CNTNAP2: variants seen among roughly 807,000 people sequenced by gnomAD.
CNTNAP2 encodes contactin associated protein 2.
Under a neutral mutation model 155.2 loss-of-function variants are expected in CNTNAP2, and 98 were observed. That is an observed-to-expected ratio of 0.63 (90% CI 0.54 to 0.75). The LOEUF (loss-of-function observed/expected upper bound fraction) is 0.75, where lower values mean the gene tolerates loss of function less well. Among genes scored for constraint, CNTNAP2 ranks in the 30% least tolerant of loss-of-function variants. The pLI is 0.00. For missense variants in CNTNAP2, 1,727 were observed against 1,688.1 expected (o/e 1.02, Z -0.40); for synonymous variants, 651 against 631.2 (o/e 1.03, Z -0.47).
intron 3 of CNTNAP2, among the ~76,000 whole-genome samples, chr7:146,968,163 C>G (rs1413637993): frequency 6.6e-6 from 1 of 151,414 alleles, no homozygotes; most frequent in African/African-American, 2.4e-5. Context: ...ATGAAGCCCA[C>G]TTGATCATGG....
intron 9 of CNTNAP2, among the ~76,000 whole-genome samples, chr7:147,343,223 G>A (rs1451663470): frequency 1.3e-5 from 2 of 152,132 alleles, no homozygotes; most frequent in Admixed American, 6.6e-5. Flanking sequence ...CGTAACAGTC[G>A]AATACAGGTT....
intron 1 of CNTNAP2, among the ~76,000 whole-genome samples, chr7:146,748,844 G>A (rs1003533759): frequency 2.0e-5 from 3 of 152,162 alleles, no homozygotes; most frequent in Admixed American, 2.0e-4. Flanking sequence ...ATCAGTTTGT[G>A]ATTTAATTGG....
intron 4 of CNTNAP2, among the ~76,000 whole-genome samples, chr7:147,090,229 A>G (rs1249228824): frequency 6.6e-6 from 1 of 152,162 alleles, no homozygotes; most frequent in Non-Finnish European, 1.5e-5. Flanking sequence ...TCATTATTTC[A>G]AATCAATTAG....
chr7:146,261,352 T>C (rs2129081575), intron 1 of CNTNAP2, among the ~76,000 whole-genome samples: 1 of 151,964 alleles, frequency 6.6e-6, no homozygotes, highest in Admixed American at 6.6e-5. Flanking sequence ...AATTTTTCTA[T>C]GTGTAACTCA....
chr7:146,902,459 T>A (rs775719490), intron 3 of CNTNAP2, among the ~76,000 whole-genome samples: 1 of 152,218 alleles, frequency 6.6e-6, no homozygotes, highest in Non-Finnish European at 1.5e-5. Context: ...ATACTGAATT[T>A]TGCTATAATA....
chr7:146,995,054 T>C (rs2129239578), intron 3 of CNTNAP2, among the ~76,000 whole-genome samples: 1 of 152,208 alleles, frequency 6.6e-6, no homozygotes, highest in East Asian at 1.9e-4. Context: ...GATCATTTGT[T>C]TTTTGATTCT....
intron 1 of CNTNAP2, among the ~76,000 whole-genome samples, chr7:146,309,959 T>C (rs1800791299): frequency 6.6e-6 from 1 of 152,156 alleles, no homozygotes; most frequent in African/African-American, 2.4e-5. Context: ...TAAAGTCCTT[T>C]GCTGCTATCA....
At chr7:148,284,171 T>G (rs1486319298) in intron 21 of CNTNAP2, among the ~76,000 whole-genome samples, 7 of 152,244 alleles carry the variant, frequency 4.6e-5, no homozygotes, top group African/African-American at 1.7e-4. Flanking sequence ...AGCGTTACAG[T>G]TTGGCTGTGT....
chr7:146,746,311 C>A (rs1801809181), intron 1 of CNTNAP2, among the ~76,000 whole-genome samples: 1 of 152,054 alleles, frequency 6.6e-6, no homozygotes, highest in Admixed American at 6.5e-5. Flanking sequence ...TATTTTGTTT[C>A]TATTTGCTTG....
At chr7:146,931,159 A>G (rs1796747916) in intron 3 of CNTNAP2, among the ~76,000 whole-genome samples, 2 of 151,568 alleles carry the variant, frequency 1.3e-5, no homozygotes, top group Admixed American at 6.6e-5. Context: ...CACCACACCT[A>G]TTCCAAAATT....
At chr7:148,369,173 T>G (rs1798839502) in intron 21 of CNTNAP2, among the ~76,000 whole-genome samples, 1 of 144,832 alleles carries the variant, frequency 6.9e-6, no homozygotes, top group East Asian at 2.0e-4. Context: ...TTAATTAAAA[T>G]TGAATCCCTT....
intron 16 of CNTNAP2, among the ~76,000 whole-genome samples, chr7:148,127,543 T>C (rs1804742065): frequency 6.6e-6 from 1 of 152,204 alleles, no homozygotes; most frequent in Non-Finnish European, 1.5e-5. Context: ...GTCCTACTAA[T>C]CTTAGGAAAT....
At chr7:146,598,124 A>G (rs527937188) in intron 1 of CNTNAP2, among the ~76,000 whole-genome samples, 3 of 152,200 alleles carry the variant, frequency 2.0e-5, no homozygotes, top group African/African-American at 7.2e-5. Context: ...AAAACATGCA[A>G]CTTTGATGAC....
intron 13 of CNTNAP2, among the ~76,000 whole-genome samples, chr7:147,679,589 T>C (rs1795917882): frequency 6.6e-6 from 1 of 151,902 alleles, no homozygotes; most frequent in African/African-American, 2.4e-5. Flanking sequence ...ATAGTTGGAC[T>C]TGACTTGGTT....
intron 2 of CNTNAP2, among the ~76,000 whole-genome samples, chr7:146,831,540 G>A (rs1051997720): frequency 1.3e-5 from 2 of 151,850 alleles, no homozygotes; most frequent in East Asian, 1.9e-4. Context: ...ACTGGGCATG[G>A]TGGCATGTGC....
At chr7:147,440,095 G>T (rs1797612369) in intron 10 of CNTNAP2, among the ~76,000 whole-genome samples, 1 of 151,882 alleles carries the variant, frequency 6.6e-6, no homozygotes, top group Non-Finnish European at 1.5e-5. Context: ...ACTTACTCCT[G>T]CCATTTTGTT....
At chr7:146,941,492 T>C (rs1183530780) in intron 3 of CNTNAP2, among the ~76,000 whole-genome samples, 1 of 152,028 alleles carries the variant, frequency 6.6e-6, no homozygotes, top group Non-Finnish European at 1.5e-5. Context: ...TTTTGTCTTT[T>C]AACCTTCATA....
chr7:146,536,876 T>G (rs139323942), intron 1 of CNTNAP2, among the ~76,000 whole-genome samples: 2 of 152,196 alleles, frequency 1.3e-5, no homozygotes, highest in Non-Finnish European at 2.9e-5. Context: ...TTGAGAAAAC[T>G]CTGTATTTGC....
At chr7:146,636,717 A>G (rs2129160089) in intron 1 of CNTNAP2, among the ~76,000 whole-genome samples, 1 of 152,330 alleles carries the variant, frequency 6.6e-6, no homozygotes, top group East Asian at 1.9e-4. Flanking sequence ...AAATCGTCTT[A>G]ATACACACAG....
Sources: allele counts gnomAD v4.1 joint callset (sites outside exome capture counted in the v4.1 genomes callset), GRCh38; gene constraint gnomAD v4.1.1; transcripts MANE v1.5; gene names NCBI Gene and HGNC (gene_info 2026-07-23, HGNC 2026-07-21).